The following STK31 variants were observed in gnomAD, a reference collection of about 807,000 sequenced individuals.
STK31 encodes serine/threonine-protein kinase 31.
STK31 carries 89 observed loss-of-function variants against 129.7 expected under a neutral mutation model. That is an observed-to-expected ratio of 0.69 (90% CI 0.58 to 0.82). The LOEUF (loss-of-function observed/expected upper bound fraction) is 0.82. Ranked by LOEUF, STK31 falls within the 40% of genes least tolerant of loss-of-function variation. The pLI is 0.00. For synonymous variants in STK31, 448 were observed against 395.3 expected (o/e 1.13, Z -1.58); for missense variants, 1,187 against 1,176.4 (o/e 1.01, Z -0.13).
chr7:23,748,186 G>A (rs987954203), intron 8 of STK31, among the ~76,000 whole-genome samples: 4 of 152,098 alleles, frequency 2.6e-5, no homozygotes, highest in African/African-American at 9.7e-5. Flanking sequence ...TTTGTCATGA[G>A]ATTTCTTCTT....
chr7:23,729,783 T>A (rs1450715310), intron 6 of STK31, among the ~76,000 whole-genome samples: 1 of 152,178 alleles, frequency 6.6e-6, no homozygotes, highest in Non-Finnish European at 1.5e-5. Flanking sequence ...GTGCTGGGAT[T>A]ACAAGCATGA....
chr7:23,745,082 G>A (rs372830407), intron 8 of STK31, among the ~76,000 whole-genome samples: 1 of 152,314 alleles, frequency 6.6e-6, no homozygotes, highest in African/African-American at 2.4e-5. Flanking sequence ...AGTGCTGGCT[G>A]TGATGTGCTG....
rs759180194 is a variant in STK31, at chr7:23,771,044, T to A, written c.1753T>A (p.Tyr585Asn). The A allele has an allele frequency of 6.2e-7, 1 of 1,612,394 alleles. No individual in the cohort carries two copies. Among genetic ancestry groups the A allele is most frequent in the African/African-American group, 1.3e-5 (1 of 74,788 alleles). ...DADKEIISNT[Y>N]SQVLQKIHSE... ...AGACAAGGAGATAATTTCAAATACA[T>A]ATAGTCAAGTACTGCAAAAGATTCA... Residue 585 changes from tyrosine (Y) to asparagine (N), a missense_variant, in exon 14 of 24, where the codon TAT (tyrosine) becomes AAT (asparagine). Around this residue, in one of 5 missense-constraint regions of STK31, gnomAD observed 975 missense variants for 934.9 expected, o/e 1.04. Coordinates refer to ENST00000355870, the MANE Select transcript of STK31 (RefSeq NM_031414.5).
chr7:23,819,346 A>G (rs948809179), intron 23 of STK31, among the ~76,000 whole-genome samples: 6 of 152,288 alleles, frequency 3.9e-5, no homozygotes, highest in African/African-American at 1.4e-4. Flanking sequence ...AGATGAAGTG[A>G]CAAACTAAAA....
intron 15 of STK31, among the ~76,000 whole-genome samples, chr7:23,772,909 C>T (rs1790290278): frequency 1.3e-5 from 2 of 152,142 alleles, no homozygotes; most frequent in South Asian, 4.1e-4. Flanking sequence ...CTGTCTTCTA[C>T]TTCTGAGCAC....
intron 4 of STK31, among the ~76,000 whole-genome samples, chr7:23,719,311 A>G (rs749927998): frequency 2.6e-5 from 4 of 152,144 alleles, no homozygotes; most frequent in Non-Finnish European, 5.9e-5. Flanking sequence ...CAAAGAATGA[A>G]AGACAATATG....
At chr7:23,803,635 G>A (rs1241595056) in intron 22 of STK31, among the ~76,000 whole-genome samples, 1 of 152,090 alleles carries the variant, frequency 6.6e-6, no homozygotes, top group Non-Finnish European at 1.5e-5. Context: ...TTGTTATATA[G>A]ATAAACTCGT....
chr7:23,799,394 T>C (rs746260662), intron 22 of STK31, among the ~76,000 whole-genome samples: 9 of 152,102 alleles, frequency 5.9e-5, no homozygotes, highest in Non-Finnish European at 1.0e-4. Context: ...AAAATAGATA[T>C]ATAGACCAAT....
rs202049703 is a variant in STK31 at position 23,772,183 on chromosome 7, C to A, written c.1870C>A (p.Pro624Thr). 3.1e-6 allele frequency: 5 copies of A among 1,599,412 alleles called. No homozygotes were observed. In the African/African-American group the frequency reaches 6.7e-5, roughly 21 times the overall value. The change falls in exon 15 of 24, where the codon CCC (proline) becomes ACC (threonine). Residue 624 changes from proline (P) to threonine (T), a missense_variant. Coordinates refer to ENST00000355870, the MANE Select transcript of STK31 (RefSeq NM_031414.5). ...KQLIEYLNKSPSVDHLLSIKK... is the reference protein window; with the variant it reads ...KQLIEYLNKSTSVDHLLSIKK... ...GCTTATTGAATATTTAAATAAGAGTCCCAGTGTGGATCACTTGCTATCCAT... is the reference window on the plus strand; with the variant it reads ...GCTTATTGAATATTTAAATAAGAGTACCAGTGTGGATCACTTGCTATCCAT...
Position 23,762,931 on chromosome 7 carries a change from T to C in STK31, c.1416+8T>C. 2 of 1,552,056 alleles carry C rather than the reference T, an allele frequency of 1.3e-6. No individual in the cohort carries two copies. Among genetic ancestry groups the C allele is most frequent in the Non-Finnish European group, 8.7e-7 (1 of 1,154,428 alleles). On this transcript the variant is annotated splice_region_variant and intron_variant, in intron 11 of 23. Transcript: ENST00000355870. ...CGCTTAAAAACATTGCAGGTTGGAATTAAAAATATATTAAATATACGTTAA... is the reference window on the plus strand; with the variant it reads ...CGCTTAAAAACATTGCAGGTTGGAACTAAAAATATATTAAATATACGTTAA...
chr7:23,777,547 T>G (rs1038088302), intron 15 of STK31, among the ~76,000 whole-genome samples: 5 of 152,186 alleles, frequency 3.3e-5, no homozygotes, highest in African/African-American at 1.2e-4. Flanking sequence ...GACAGTTAAC[T>G]CTTCTTGTTG....
At chr7:23,803,265 T>G (rs1266155297) in intron 22 of STK31, among the ~76,000 whole-genome samples, 1 of 147,612 alleles carries the variant, frequency 6.8e-6, no homozygotes, top group African/African-American at 2.5e-5. Context: ...CCAAGGGCTG[T>G]GCTTAAAAAG....
intron 23 of STK31, among the ~76,000 whole-genome samples, chr7:23,827,426 G>T (rs1029575745): frequency 6.6e-6 from 1 of 151,874 alleles, no homozygotes; most frequent in Non-Finnish European, 1.5e-5. Context: ...TGTATTTCTC[G>T]TGCCATGGTT....
chr7:23,800,555 A>T (rs1014859274), intron 22 of STK31, among the ~76,000 whole-genome samples: 15 of 152,046 alleles, frequency 9.9e-5, no homozygotes, highest in Non-Finnish European at 1.9e-4. Context: ...CAATGAGAAC[A>T]TATGGACACA....
intron 23 of STK31, among the ~76,000 whole-genome samples, chr7:23,825,200 A>G (rs1794055262): frequency 6.6e-6 from 1 of 152,222 alleles, no homozygotes; most frequent in Non-Finnish European, 1.5e-5. Flanking sequence ...TACCTCTGGT[A>G]GAATTTAGCT....
chr7:23,806,836 C>T lies in STK31; in HGVS notation c.2761-8308C>T, dbSNP rs190103510. Among the ~76,000 whole-genome samples the T allele has an allele frequency of 1.5e-4, 22 of 146,632 alleles. No homozygotes were observed. In the East Asian group the frequency reaches 4.5e-3, roughly 30 times the overall value. ...AATGGTGTGAACCCGGGAGGCGGAG[C>T]TTGCAGTGAGCAGAGATCACGCCAC... On this transcript the variant is annotated intron_variant, in intron 22 of 23. Transcript: ENST00000355870.
At chr7:23,713,871 AATATAT>A (rs1313988764) in intron 3 of STK31, among the ~76,000 whole-genome samples, 2 of 151,002 alleles carry the variant, frequency 1.3e-5, no homozygotes, top group African/African-American at 2.4e-5. Context: ...AGTAAAAAAA[AATATAT>A]ATATACACAC....
intron 8 of STK31, among the ~76,000 whole-genome samples, chr7:23,747,797 T>C (rs1279243270): frequency 1.3e-5 from 2 of 152,214 alleles, no homozygotes; most frequent in African/African-American, 4.8e-5. Context: ...TTCCATTGGA[T>C]CTGTACTGAT....
chr7:23,798,412 C>T (rs1310648418), intron 22 of STK31, among the ~76,000 whole-genome samples: 1 of 143,304 alleles, frequency 7.0e-6, no homozygotes, highest in African/African-American at 2.6e-5. Flanking sequence ...ACAATCAAGT[C>T]AGCTTCATCC....
Sources: gnomAD v4.1 joint callset for allele counts (sites outside exome capture counted in the v4.1 genomes callset) on GRCh38, gnomAD v4.1.1 for gene constraint, gnomAD v4.1.1 regional missense constraint, MANE v1.5 for transcripts, NCBI Gene and HGNC (gene_info 2026-07-23, HGNC 2026-07-21) for gene names.